B3GAT1: variants seen among roughly 807,000 people sequenced by gnomAD.
The protein encoded by B3GAT1 is beta-1,3-glucuronyltransferase 1.
Under a neutral mutation model 28.4 loss-of-function variants are expected in B3GAT1, and 11 were observed. That is an observed-to-expected ratio of 0.39 (90% CI 0.24 to 0.64). The LOEUF (loss-of-function observed/expected upper bound fraction) is 0.64, where lower values mean the gene tolerates loss of function less well. Ranked by LOEUF, B3GAT1 falls within the 30% of genes least tolerant of loss-of-function variation. The pLI, the probability that B3GAT1 is intolerant of heterozygous loss-of-function variation, is 0.50. For synonymous variants in B3GAT1, 255 were observed against 223.1 expected, an observed-to-expected ratio of 1.14 and a Z score of -1.27; for missense variants, 375 against 491.0, an observed-to-expected ratio of 0.76 and a Z score of 2.23.
chr11:134,383,651 C>A, intron 3 of B3GAT1, 29 bp downstream of exon 3: 1 of 1,514,752 alleles, frequency 6.6e-7, no homozygotes, highest in Non-Finnish European at 8.9e-7. Flanking sequence ...GCCGGAGGTC[C>A]CGCTGCTCAC....
intron 1 of B3GAT1, among the ~76,000 whole-genome samples, chr11:134,404,015 ATATATATATATATATT>A (rs1444358220): frequency 6.2e-5 from 7 of 113,160 alleles, no homozygotes; most frequent in Non-Finnish European, 1.1e-4. Context: ...ATATATATAT[ATATATATATATATATT>A]TATTATACGT....
intron 1 of B3GAT1, among the ~76,000 whole-genome samples, chr11:134,410,858 A>G (rs1423735698): frequency 6.6e-6 from 1 of 152,234 alleles, no homozygotes; most frequent in African/African-American, 2.4e-5. Flanking sequence ...TACACAGCCC[A>G]AGCTCTAGGC....
chr11:134,398,947 A>C lies in B3GAT1; in HGVS notation c.-281-11007T>G, dbSNP rs116315220. Among the ~76,000 whole-genome samples, 871 of 152,272 alleles carry C rather than the reference A, an allele frequency of 5.7e-3. 10 individuals are homozygous for C. The highest frequency in any genetic ancestry group is 0.02 in the African/African-American group (829 of 41,574). On this transcript the variant is annotated intron_variant, in intron 1 of 5. Coordinates refer to ENST00000312527, the MANE Select transcript of B3GAT1 (RefSeq NM_054025.3). ...GAAAAGGCGATGAGCTGATATGATA[A>C]TGGATCAACTGCAGGTCTGTTCTGG...
chr11:134,404,451 T>A (rs1468980035), intron 1 of B3GAT1, among the ~76,000 whole-genome samples: 4 of 152,178 alleles, frequency 2.6e-5, no homozygotes, highest in African/African-American at 9.7e-5. Flanking sequence ...TGTTATGTGT[T>A]TTTTAAATAA....
At chr11:134,397,790 C>T (rs537759792) in intron 1 of B3GAT1, among the ~76,000 whole-genome samples, 308 of 152,352 alleles carry the variant, frequency 2.0e-3, no homozygotes, top group African/African-American at 7.2e-3. Flanking sequence ...GCCTCCATGC[C>T]CTGCCTGCTC....
At chr11:134,395,206 G>A (rs1054866016) in intron 1 of B3GAT1, among the ~76,000 whole-genome samples, 5 of 152,236 alleles carry the variant, frequency 3.3e-5, no homozygotes, top group East Asian at 1.9e-4. Context: ...GCTGGGGCAC[G>A]CCCGGGGGCG....
At chr11:134,404,810 A>G (rs1282604884) in intron 1 of B3GAT1, among the ~76,000 whole-genome samples, 2 of 152,240 alleles carry the variant, frequency 1.3e-5, no homozygotes, top group Non-Finnish European at 1.5e-5. Context: ...AGAAGCTAAT[A>G]TCGACAGGCG....
At chr11:134,410,223 CAGTG>C (rs988278752) in intron 1 of B3GAT1, among the ~76,000 whole-genome samples, 1 of 152,190 alleles carries the variant, frequency 6.6e-6, no homozygotes, top group Non-Finnish European at 1.5e-5. Context: ...TCTGGTGGAA[CAGTG>C]AGTAACTGCC....
In B3GAT1 at chr11:134,383,529, CT is replaced by C. The variant is rs550643574; in HGVS notation, c.621+150del. ...GATGCTTTAGCCCGCAGTTCCATCC[CT>C]TTCCCTGGCTCTCTGCTGCCTGCCC... On this transcript the variant is annotated intron_variant, in intron 3 of 5. Transcript: ENST00000312527. 262 of 1,102,080 alleles carry C rather than the reference CT, an allele frequency of 2.4e-4. No individual in the cohort carries two copies. The African/African-American group carries it at 3.8e-3, about 16-fold the overall frequency. The allele number at this position is 1,102,080 out of a possible 1,614,324, so 68.3% of individuals were successfully genotyped here. A position where few individuals can be genotyped will look rare whatever the true frequency, so the allele number is the denominator to read the frequency against.
At chr11:134,404,618 G>A (rs747689857) in intron 1 of B3GAT1, among the ~76,000 whole-genome samples, 10 of 152,058 alleles carry the variant, frequency 6.6e-5, no homozygotes, top group Non-Finnish European at 1.3e-4. Flanking sequence ...TGGGAATCAC[G>A]GGGTGACAGG....
intron 2 of B3GAT1, chr11:134,385,496 G>C (rs12416903): frequency 0.16 from 25,091 of 152,386 alleles, 2,189 homozygotes; most frequent in African/African-American, 0.21. Flanking sequence ...CAGTCGCTCA[G>C]AGGGGGCTGC....
At chr11:134,382,175 G>T in intron 4 of B3GAT1, 151 bp from the exon 5 acceptor site, 1 of 675,774 alleles carries the variant, frequency 1.5e-6, no homozygotes, top group Non-Finnish European at 2.5e-6. Context: ...TTTCTCAATT[G>T]TTTTTTATTT....
chr11:134,406,760 GCA>G (rs1944740336), intron 1 of B3GAT1, among the ~76,000 whole-genome samples: 1 of 152,132 alleles, frequency 6.6e-6, no homozygotes, highest in African/African-American at 2.4e-5. Flanking sequence ...GAAGTCTGAG[GCA>G]CAGAGAGGTT....
At position 134,393,600 on chromosome 11, in the gene B3GAT1, A is replaced by G. The variant is rs559028608; in HGVS notation, c.-281-5660T>C. 2.6e-5 allele frequency among the ~76,000 whole-genome samples: 4 copies of G among 152,342 alleles called. No individual in the cohort carries two copies. The highest frequency in any genetic ancestry group is 4.1e-4 in the South Asian group (2 of 4,824). The stretch of plus-strand genomic sequence containing the variant: ...TCTGGACTCACCTTATGAAATTTTC[A>G]TAGAAACAACACATTTACTTCAACA... On this transcript the variant is annotated intron_variant, in intron 1 of 5. Transcript: ENST00000312527. The surrounding 1 kb of genome is among the most constrained non-coding windows in gnomAD (Gnocchi z 4.0).
rs1591656373 is a variant in B3GAT1 at position 134,411,629 on chromosome 11, G to C, written c.-282+178C>G. Among the ~76,000 whole-genome samples, 1 of 151,936 alleles carries C rather than the reference G, an allele frequency of 6.6e-6. No homozygotes were observed. The highest frequency in any genetic ancestry group is 1.5e-5 in the Non-Finnish European group (1 of 67,952). ...CAGCAGCGCCTCCCAGCCCGAGCTC[G>C]GTTCTCGGCCCCCTTTCCAGCTGCC... On this transcript the variant is annotated intron_variant, in intron 1 of 5. Coordinates refer to ENST00000312527, the MANE Select transcript of B3GAT1 (RefSeq NM_054025.3). The surrounding 1 kb of genome is among the most constrained non-coding windows in gnomAD (Gnocchi z 6.0).
Position 134,382,707 on chromosome 11 carries a change from CA to C in B3GAT1, c.918+2del. ...CAGCTGTCAGTTCTGCGGAGGGTCT[CA>C]CCTTGGTGCAGTTGGCTGCCTTGGG... On this transcript the variant is annotated splice_donor_variant, in intron 4 of 5. Transcript: ENST00000312527. LOFTEE classifies it high-confidence loss of function. The C allele has an allele frequency of 1.2e-6, 2 of 1,611,228 alleles. No homozygotes were observed. Among genetic ancestry groups the C allele is most frequent in the Non-Finnish European group, 1.7e-6 (2 of 1,177,812 alleles).
In B3GAT1 at chr11:134,380,751, TGA is replaced by T. The variant is rs1175387758; in HGVS notation, c.*15-6_*15-5del. 1 of 151,502 alleles carries T rather than the reference TGA, an allele frequency of 6.6e-6. No homozygotes were observed. Among genetic ancestry groups the T allele is most frequent in the Non-Finnish European group, 1.5e-5 (1 of 68,032 alleles). The allele number at this position is 151,502 out of a possible 1,614,324, so 9.4% of individuals were successfully genotyped here. A position where few individuals can be genotyped will look rare whatever the true frequency, so the allele number is the denominator to read the frequency against. On this transcript the variant is annotated splice_region_variant and splice_polypyrimidine_tract_variant and intron_variant, in intron 5 of 5. Transcript: ENST00000312527. ...ACAGGGTCTGAGGAGGAGGCTCCTG[TGA>T]GGGGAGAGGAGGAATGAGTGAGGTG...
At chr11:134,382,327 A>G (rs780431848) in intron 4 of B3GAT1, among the ~76,000 whole-genome samples, 1 of 152,294 alleles carries the variant, frequency 6.6e-6, no homozygotes, top group Non-Finnish European at 1.5e-5. Flanking sequence ...GTGCATACGT[A>G]TGCATGTTCA....
intron 1 of B3GAT1, among the ~76,000 whole-genome samples, chr11:134,395,563 T>C (rs1479781845): frequency 6.6e-6 from 1 of 152,044 alleles, no homozygotes; most frequent in Non-Finnish European, 1.5e-5. Flanking sequence ...TCTTTGGGAT[T>C]TGTGGGACTG....
Sources: allele counts gnomAD v4.1 joint callset (sites outside exome capture counted in the v4.1 genomes callset), GRCh38; gene constraint gnomAD v4.1.1; non-coding constraint Gnocchi (gnomAD v3.1); transcripts MANE v1.5; gene names NCBI Gene and HGNC (gene_info 2026-07-23, HGNC 2026-07-21).